RNLS: variants seen among roughly 807,000 people sequenced by gnomAD.
The protein encoded by RNLS is renalase.
Under a neutral mutation model 39.8 loss-of-function variants are expected in RNLS, and 39 were observed. The observed-to-expected ratio is 0.98, with a 90% confidence interval of 0.76 to 1.28. The LOEUF is 1.28. Ranked by LOEUF, RNLS falls within the 50% of genes most tolerant of loss-of-function variation. The pLI, the probability that RNLS is intolerant of heterozygous loss-of-function variation, is 0.00. For missense variants in RNLS, 410 were observed against 413.3 expected, an observed-to-expected ratio of 0.99 and a Z score of 0.07; for synonymous variants, 147 against 150.7, an observed-to-expected ratio of 0.98 and a Z score of 0.18.
chr10:88,520,282 A>G (rs1330011419), intron 4 of RNLS, among the ~76,000 whole-genome samples: 1 of 152,050 alleles, frequency 6.6e-6, no homozygotes, highest in African/African-American at 2.4e-5. Context: ...GATGGGCACA[A>G]TGATATTCTC....
chr10:88,455,445 T>C (rs1384886529), intron 4 of RNLS, among the ~76,000 whole-genome samples: 1 of 152,144 alleles, frequency 6.6e-6, no homozygotes, highest in Non-Finnish European at 1.5e-5. Context: ...CTTGCTCTGT[T>C]GCCCAGGCTG....
intron 4 of RNLS, among the ~76,000 whole-genome samples, chr10:88,537,657 A>C (rs1847833768): frequency 6.6e-6 from 1 of 152,046 alleles, no homozygotes; most frequent in South Asian, 2.1e-4. Flanking sequence ...CAAAAAAAAC[A>C]ATCTATGCTG....
intron 4 of RNLS, among the ~76,000 whole-genome samples, chr10:88,497,860 T>C (rs1845260970): frequency 6.6e-6 from 1 of 151,898 alleles, no homozygotes; most frequent in Admixed American, 6.6e-5. Flanking sequence ...AAAAAGTTTG[T>C]GCCAACTAGC....
the RNLS span, among the ~76,000 whole-genome samples, chr10:88,231,670 C>T: frequency 6.6e-6 from 1 of 152,048 alleles, no homozygotes; most frequent in Non-Finnish European, 1.5e-5. Context: ...CTGGTAGGGG[C>T]GTAAGGCTGA....
chr10:88,404,644 A>G (rs1379560421), intron 4 of RNLS, among the ~76,000 whole-genome samples: 1 of 152,050 alleles, frequency 6.6e-6, no homozygotes, highest in Non-Finnish European at 1.5e-5. Flanking sequence ...TGGATCCTAA[A>G]CTTATGAGGA....
intron 6 of RNLS, among the ~76,000 whole-genome samples, chr10:88,313,523 G>C (rs771536829): frequency 6.6e-6 from 1 of 152,146 alleles, no homozygotes; most frequent in Non-Finnish European, 1.5e-5. Flanking sequence ...AATTTGACTT[G>C]AGAAGATATG....
chr10:88,251,501 C>G, the RNLS span, among the ~76,000 whole-genome samples: 1 of 152,226 alleles, frequency 6.6e-6, no homozygotes, highest in Non-Finnish European at 1.5e-5. Context: ...CATTTAATCT[C>G]TATGGCCCCA....
chr10:88,243,320 CTG>C, the RNLS span, among the ~76,000 whole-genome samples: 1 of 152,202 alleles, frequency 6.6e-6, no homozygotes, highest in Non-Finnish European at 1.5e-5. Context: ...TGCTGGCTTT[CTG>C]AACTTTTTGT....
At chr10:88,210,646 A>G in the RNLS span, among the ~76,000 whole-genome samples, 4 of 152,098 alleles carry the variant, frequency 2.6e-5, no homozygotes, top group African/African-American at 9.7e-5. Context: ...TTCTTTTTGA[A>G]TCTTAAGGAC....
chr10:88,576,204 T>C (rs958657923), intron 3 of RNLS, among the ~76,000 whole-genome samples: 23 of 152,224 alleles, frequency 1.5e-4, no homozygotes, highest in African/African-American at 5.3e-4. Flanking sequence ...TTTCTTTGTA[T>C]GTATAATTAG....
the RNLS span, among the ~76,000 whole-genome samples, chr10:88,235,002 C>G: frequency 6.6e-6 from 1 of 151,904 alleles, no homozygotes; most frequent in African/African-American, 2.4e-5. Context: ...TGGCTCAAGC[C>G]TGTAATCCCA....
intron 4 of RNLS, among the ~76,000 whole-genome samples, chr10:88,451,930 C>T (rs1163704050): frequency 3.3e-5 from 5 of 152,304 alleles, no homozygotes; most frequent in African/African-American, 9.6e-5. Flanking sequence ...GGCTTTTGTT[C>T]GGGTCCCAGG....
intron 5 of RNLS, among the ~76,000 whole-genome samples, chr10:88,333,908 C>A (rs1471192801): frequency 6.6e-6 from 1 of 152,084 alleles, no homozygotes; most frequent in African/African-American, 2.4e-5. Flanking sequence ...AGAGAGTGAA[C>A]CCTCACCAGA....
chr10:88,574,438 C>G (rs1024479192), intron 3 of RNLS, among the ~76,000 whole-genome samples: 1 of 152,166 alleles, frequency 6.6e-6, no homozygotes, highest in Admixed American at 6.5e-5. Context: ...GATCCTTCCT[C>G]TCTATGATAT....
chr10:88,524,438 G>T (rs1846955441), intron 4 of RNLS, among the ~76,000 whole-genome samples: 1 of 152,106 alleles, frequency 6.6e-6, no homozygotes, highest in Admixed American at 6.6e-5. Flanking sequence ...ATGAATGAAA[G>T]AAATCCTGAC....
intron 4 of RNLS, among the ~76,000 whole-genome samples, chr10:88,519,742 A>G (rs907672069): frequency 1.3e-5 from 2 of 150,318 alleles, no homozygotes; most frequent in Non-Finnish European, 3.0e-5. Flanking sequence ...TCACATATAT[A>G]TGATATATAT....
Position 88,583,167 on chromosome 10 carries a change from G to A in RNLS, c.24C>T (p.Gly8=). The A allele has an allele frequency of 1.9e-6, 3 of 1,613,982 alleles. No homozygotes were observed. The Admixed American group carries it at 5.0e-5, about 27-fold the overall frequency. ...CGCACAAGCTTCCTGTCATCCCGGC[G>A]CCCACGATCAGCACCTGCGCCATGG... MAQVLIV[G]AGMTGSLCAA... is the part of the protein sequence containing the mutation. Residue 8 remains glycine (G), a synonymous_variant, in exon 1 of 7, where the codon GGC becomes GGT. Coordinates refer to ENST00000331772, the MANE Select transcript of RNLS (RefSeq NM_001031709.3).
At chr10:88,197,442 C>T in the RNLS span, among the ~76,000 whole-genome samples, 1 of 152,118 alleles carries the variant, frequency 6.6e-6, no homozygotes, top group Non-Finnish European at 1.5e-5. Flanking sequence ...TCTCTTCCTT[C>T]CCTATTCCCT....
At chr10:88,344,947 C>T (rs1435497923) in intron 5 of RNLS, among the ~76,000 whole-genome samples, 1 of 151,938 alleles carries the variant, frequency 6.6e-6, no homozygotes, top group Non-Finnish European at 1.5e-5. Context: ...CTGTACAGTA[C>T]ATATGGATTC....
Sources: gnomAD v4.1 joint callset for allele counts (sites outside exome capture counted in the v4.1 genomes callset) on GRCh38, gnomAD v4.1.1 for gene constraint, MANE v1.5 for transcripts, NCBI Gene and HGNC (gene_info 2026-07-23, HGNC 2026-07-21) for gene names.